The following NFAT5 variants were observed in gnomAD, a reference collection of about 807,000 sequenced individuals.
The protein encoded by NFAT5 is nuclear factor of activated T cells 5, also known as nuclear factor of activated T-cells 5.
In NFAT5, 31 loss-of-function variants were observed where a neutral mutation model predicts 166.5. The ratio of observed to expected loss-of-function variants is 0.19; its 90% confidence interval spans 0.14 to 0.25. NFAT5 has a LOEUF of 0.25. Among genes scored for constraint, NFAT5 ranks in the 10% least tolerant of loss-of-function variants. The pLI, the probability that NFAT5 is intolerant of heterozygous loss-of-function variation, is 1.00. For missense variants in NFAT5, 1,449 were observed against 1,821.8 expected (o/e 0.80, Z 3.72); for synonymous variants, 612 against 639.7 (o/e 0.96, Z 0.65).
In NFAT5 at chr16:69,679,848, C is replaced by T. The variant is rs531956922; in HGVS notation, c.1690+2513C>T. 6.6e-5 allele frequency among the ~76,000 whole-genome samples: 10 copies of T among 152,306 alleles called. No homozygotes were observed. In the South Asian group the frequency reaches 1.9e-3, roughly 28 times the overall value. ...AATAATAGTTGGCTGGGCATGGTGG[C>T]TCACGCCTGTAATCCCCGCCAGCAC... On this transcript the variant is annotated intron_variant, in intron 10 of 14. Coordinates refer to ENST00000349945, the MANE Select transcript of NFAT5 (RefSeq NM_138713.4).
rs368863857 is a variant in NFAT5, at chr16:69,622,046, A to T, written c.128-4357A>T. ...TTCATTGGCTAGTGGAGACTGTAAA[A>T]GCATTTAATTTAGATTGAATTTAGG... is the stretch of plus-strand genomic sequence containing the variant. On this transcript the variant is annotated intron_variant, in intron 2 of 14. Transcript: ENST00000349945. 3.7e-4 allele frequency among the ~76,000 whole-genome samples: 57 copies of T among 152,342 alleles called. No homozygotes were observed. The South Asian group carries it at 0.011, about 30-fold the overall frequency.
intron 10 of NFAT5, among the ~76,000 whole-genome samples, chr16:69,677,566 T>A (rs2036879590): frequency 6.6e-6 from 1 of 152,210 alleles, no homozygotes; most frequent in East Asian, 1.9e-4. Flanking sequence ...AAGGCAGCAA[T>A]GCTCTGAAGT....
At chr16:69,658,756 G>A (rs567652696) in intron 6 of NFAT5, among the ~76,000 whole-genome samples, 9 of 152,300 alleles carry the variant, frequency 5.9e-5, no homozygotes, top group African/African-American at 2.2e-4. Flanking sequence ...GAACCCAGGA[G>A]GGAGAGGTTG....
intron 1 of NFAT5, 119 bp from the exon 2 acceptor site, chr16:69,568,376 G>GTGTGTGTGTGTGTGTGTGTGTGTGTGTA: frequency 3.5e-6 from 1 of 287,124 alleles, no homozygotes; most frequent in South Asian, 4.1e-5. Context: ...GTGTGTGTGT[G>GTGTGTGTGTGTGTGTGTGTGTGTGTGTA]TATATATATA....
chr16:69,636,887 A>G (rs1366811756), intron 3 of NFAT5, among the ~76,000 whole-genome samples: 3 of 152,216 alleles, frequency 2.0e-5, no homozygotes, highest in African/African-American at 4.8e-5. Context: ...GCTTCTTGCT[A>G]CTTATGCAGT....
chr16:69,662,450 C>CTTTTTTTT (rs539200298), intron 7 of NFAT5, among the ~76,000 whole-genome samples: 5 of 97,020 alleles, frequency 5.2e-5, no homozygotes, highest in African/African-American at 1.5e-4. Flanking sequence ...ACACCTCTTT[C>CTTTTTTTT]TTTTTTTTTT....
chr16:69,611,640 T>G (rs2033708357), intron 2 of NFAT5, among the ~76,000 whole-genome samples: 1 of 152,254 alleles, frequency 6.6e-6, no homozygotes, highest in Admixed American at 6.5e-5. Flanking sequence ...GATGATGCTT[T>G]CTTATTGTGT....
At chr16:69,621,288 TAC>T (rs748596709) in intron 2 of NFAT5, among the ~76,000 whole-genome samples, 2 of 152,174 alleles carry the variant, frequency 1.3e-5, no homozygotes, top group African/African-American at 2.4e-5. Context: ...ATATATAATT[TAC>T]ATACTATAAA....
At chr16:69,571,107 C>A (rs2016404113) in intron 2 of NFAT5, among the ~76,000 whole-genome samples, 1 of 109,784 alleles carries the variant, frequency 9.1e-6, no homozygotes, top group African/African-American at 3.4e-5. Flanking sequence ...GCCTGGCTAA[C>A]ATGGTGAAAC....
chr16:69,691,224 A>G (rs2037533079), intron 12 of NFAT5, 136 bp downstream of exon 12: 1 of 661,248 alleles, frequency 1.5e-6, no homozygotes, highest in Non-Finnish European at 2.2e-6. Flanking sequence ...TTTATACTTC[A>G]GCAAAATTGC....
intron 4 of NFAT5, among the ~76,000 whole-genome samples, chr16:69,650,414 GA>G (rs1049348581): frequency 5.3e-5 from 8 of 151,220 alleles, no homozygotes; most frequent in African/African-American, 1.2e-4. Flanking sequence ...TTACATTTTA[GA>G]AAAAAAAGAT....
chr16:69,570,995 A>G (rs1455187114), intron 2 of NFAT5, among the ~76,000 whole-genome samples: 1 of 152,064 alleles, frequency 6.6e-6, no homozygotes, highest in Non-Finnish European at 1.5e-5. Context: ...AAAATTTTTA[A>G]AAACTAAATG....
intron 3 of NFAT5, among the ~76,000 whole-genome samples, chr16:69,638,644 G>A (rs1380521097): frequency 6.6e-6 from 1 of 150,426 alleles, no homozygotes; most frequent in Admixed American, 6.6e-5. Flanking sequence ...GCTGAGGCAG[G>A]AGAATCACTT....
Position 69,584,550 on chromosome 16 carries a change from G to A in NFAT5, c.127+16002G>A, listed in dbSNP as rs568760047. 3.9e-5 allele frequency among the ~76,000 whole-genome samples: 6 copies of A among 152,036 alleles called. No individual in the cohort carries two copies. In the East Asian group the frequency reaches 5.8e-4, roughly 15 times the overall value. ...TCACCATGTTGGCCAGGCTGGTCTC[G>A]AATTCCTGACCTTAAGTAATCCACC... On this transcript the variant is annotated intron_variant, in intron 2 of 14. Coordinates refer to ENST00000349945, the MANE Select transcript of NFAT5 (RefSeq NM_138713.4).
At chr16:69,683,781 AC>A (rs918763175) in intron 10 of NFAT5, among the ~76,000 whole-genome samples, 23 of 151,968 alleles carry the variant, frequency 1.5e-4, no homozygotes, top group South Asian at 4.2e-4. Context: ...GCACGGTGAA[AC>A]CCCATCTCTA....
chr16:69,609,724 T>C (rs188123319), intron 2 of NFAT5, among the ~76,000 whole-genome samples: 1 of 143,942 alleles, frequency 6.9e-6, no homozygotes, highest in East Asian at 2.0e-4. Context: ...CTCACACCTG[T>C]AATACCGGCA....
intron 4 of NFAT5, among the ~76,000 whole-genome samples, chr16:69,650,236 C>G (rs555785774): frequency 6.6e-6 from 1 of 151,962 alleles, no homozygotes; most frequent in East Asian, 1.9e-4. Context: ...GTGGATTTTC[C>G]TTTTTGGTTG....
chr16:69,651,720 G>T (rs2035675034), intron 4 of NFAT5, among the ~76,000 whole-genome samples: 1 of 150,686 alleles, frequency 6.6e-6, no homozygotes. Flanking sequence ...GACCAGGCTG[G>T]AGTGCAATGG....
At position 69,693,010 on chromosome 16, in the gene NFAT5, G is replaced by T. The variant is rs1204854526; in HGVS notation, c.3185G>T (p.Gly1062Val). ...QNSGTQQQGN[G>V]LFQQGNEMMS... ...AGTGGTACCCAACAACAAGGTAATG[G>T]TTTATTCCAGCAAGGGAATGAGATG... Residue 1062 changes from glycine (G) to valine (V), a missense_variant, in exon 13 of 15, where the codon GGT (glycine) becomes GTT (valine). By Grantham distance (109) the Gly-to-Val change is moderately radical. This residue lies in a region of NFAT5 where 891 missense variants were observed against 993.0 expected (regional missense o/e 0.90). Coordinates refer to ENST00000349945, the MANE Select transcript of NFAT5 (RefSeq NM_138713.4). The T allele has an allele frequency of 1.2e-6, 2 of 1,613,946 alleles. No homozygotes were observed. Among genetic ancestry groups the T allele is most frequent in the East Asian group, 4.5e-5 (2 of 44,892 alleles).
Sources: allele counts gnomAD v4.1 joint callset (sites outside exome capture counted in the v4.1 genomes callset), GRCh38; gene constraint gnomAD v4.1.1; regional missense constraint gnomAD v4.1.1; transcripts MANE v1.5; gene names NCBI Gene and HGNC (gene_info 2026-07-23, HGNC 2026-07-21).